Variants in PTPRD observed in about 807,000 individuals in gnomAD.
The protein encoded by PTPRD is receptor-type tyrosine-protein phosphatase delta.
Under a neutral mutation model 214.5 loss-of-function variants are expected in PTPRD, and 34 were observed. The observed-to-expected ratio is 0.16, with a 90% CI of 0.12 to 0.21. PTPRD has a LOEUF of 0.21. Ranked by LOEUF, PTPRD falls within the 10% of genes least tolerant of loss-of-function variation. PTPRD has a pLI of 1.00. For synonymous variants in PTPRD, 1,128 were observed against 845.7 expected (o/e 1.33, Z -5.79); for missense variants, 2,545 against 2,398.7 (o/e 1.06, Z -1.27).
intron 11 of PTPRD, among the ~76,000 whole-genome samples, chr9:8,998,454 G>A (rs555660942): frequency 1.2e-4 from 18 of 151,940 alleles, no homozygotes; most frequent in African/African-American, 2.9e-4. Context: ...ATGACTTACC[G>A]TGAATATTTT....
At chr9:9,421,178 CTGCCTTTATATAT>C (rs1048864063) in intron 8 of PTPRD, among the ~76,000 whole-genome samples, 4 of 151,814 alleles carry the variant, frequency 2.6e-5, no homozygotes, top group African/African-American at 9.7e-5. Flanking sequence ...AACAATGGCC[CTGCCTTTATATAT>C]TGCCTTTAAC....
chr9:9,127,872 T>G (rs928469768), intron 10 of PTPRD, among the ~76,000 whole-genome samples: 4 of 152,192 alleles, frequency 2.6e-5, no homozygotes, highest in Non-Finnish European at 5.9e-5. Flanking sequence ...GCACCCTGTT[T>G]GAATTTCGTA....
chr9:8,978,329 T>A (rs1418491996), intron 11 of PTPRD, among the ~76,000 whole-genome samples: 2 of 152,090 alleles, frequency 1.3e-5, no homozygotes, highest in Non-Finnish European at 2.9e-5. Flanking sequence ...AAGTCCCTTA[T>A]CAGTTCTGCT....
chr9:9,068,818 G>T (rs573683444), intron 10 of PTPRD, among the ~76,000 whole-genome samples: 3 of 151,964 alleles, frequency 2.0e-5, no homozygotes, highest in South Asian at 2.1e-4. Context: ...CACTATGTTG[G>T]CCAGGATGGT....
chr9:8,706,151 A>T (rs2098202451), intron 12 of PTPRD, among the ~76,000 whole-genome samples: 1 of 152,222 alleles, frequency 6.6e-6, no homozygotes, highest in African/African-American at 2.4e-5. Flanking sequence ...CCTCAAGAGA[A>T]ACATTATAAG....
intron 9 of PTPRD, among the ~76,000 whole-genome samples, chr9:9,227,236 C>T (rs937004402): frequency 6.6e-6 from 1 of 151,960 alleles, no homozygotes; most frequent in African/African-American, 2.4e-5. Flanking sequence ...TAATTTTTTT[C>T]CATTTCTTTT....
At chr9:9,465,450 TTAC>T (rs1569568567) in intron 8 of PTPRD, among the ~76,000 whole-genome samples, 1 of 152,160 alleles carries the variant, frequency 6.6e-6, no homozygotes, top group Non-Finnish European at 1.5e-5. Flanking sequence ...GAGGAGTCCA[TTAC>T]TCAAGTGTAA....
At chr9:9,437,659 C>T (rs936527287) in intron 8 of PTPRD, among the ~76,000 whole-genome samples, 1 of 152,082 alleles carries the variant, frequency 6.6e-6, no homozygotes, top group Admixed American at 6.6e-5. Context: ...ACTTCTGAAT[C>T]ACATTAAAGA....
intron 6 of PTPRD, among the ~76,000 whole-genome samples, chr9:9,761,281 C>T (rs2098653580): frequency 6.6e-6 from 1 of 152,088 alleles, no homozygotes; most frequent in Admixed American, 6.5e-5. Flanking sequence ...AGCAAAAACC[C>T]AATCCCAAAA....
intron 10 of PTPRD, among the ~76,000 whole-genome samples, chr9:9,069,643 G>A (rs1400292445): frequency 6.6e-6 from 1 of 152,218 alleles, no homozygotes; most frequent in Non-Finnish European, 1.5e-5. Context: ...CAATTATTTA[G>A]TTTCTTGTAG....
intron 2 of PTPRD, among the ~76,000 whole-genome samples, chr9:10,416,159 C>T (rs2098485100): frequency 6.6e-6 from 1 of 151,046 alleles, no homozygotes; most frequent in Non-Finnish European, 1.5e-5. Context: ...ATCAGCCTGG[C>T]CAACATGGTG....
intron 2 of PTPRD, among the ~76,000 whole-genome samples, chr9:10,560,464 C>T (rs950726245): frequency 1.2e-4 from 19 of 152,056 alleles, no homozygotes; most frequent in East Asian, 7.8e-4. Flanking sequence ...TGCTAGATGA[C>T]GAGTTAGTGG....
intron 9 of PTPRD, among the ~76,000 whole-genome samples, chr9:9,348,932 A>G (rs2050004570): frequency 1.3e-5 from 2 of 152,072 alleles, no homozygotes; most frequent in African/African-American, 2.4e-5. Flanking sequence ...ATTTTAATTA[A>G]TTCAGGAGAC....
chr9:9,191,365 G>C (rs985842949), intron 9 of PTPRD, among the ~76,000 whole-genome samples: 2 of 151,674 alleles, frequency 1.3e-5, no homozygotes, highest in Non-Finnish European at 2.9e-5. Flanking sequence ...TCTTTCATTT[G>C]GTCCTTGAAA....
At chr9:9,773,652 G>C (rs1000500830) in intron 5 of PTPRD, among the ~76,000 whole-genome samples, 4 of 152,172 alleles carry the variant, frequency 2.6e-5, no homozygotes, top group African/African-American at 4.8e-5. Context: ...TGATCTCCAA[G>C]TGAGAGTTTA....
chr9:10,442,438 A>C (rs2098766128), intron 2 of PTPRD, among the ~76,000 whole-genome samples: 1 of 151,580 alleles, frequency 6.6e-6, no homozygotes, highest in South Asian at 2.1e-4. Flanking sequence ...TATAAGAATA[A>C]GTTTGATCCG....
At chr9:10,580,400 G>A (rs1316790301) in intron 2 of PTPRD, among the ~76,000 whole-genome samples, 4 of 152,130 alleles carry the variant, frequency 2.6e-5, no homozygotes, top group Non-Finnish European at 5.9e-5. Flanking sequence ...TTAATGTAAA[G>A]TATAAGTCTA....
chr9:8,995,903 G>A (rs983082523), intron 11 of PTPRD, among the ~76,000 whole-genome samples: 2 of 152,058 alleles, frequency 1.3e-5, no homozygotes, highest in East Asian at 3.9e-4. Flanking sequence ...CTTCCTTTTA[G>A]TAAACGTACT....
chr9:9,373,498 C>T (rs2139929760), intron 9 of PTPRD, among the ~76,000 whole-genome samples: 1 of 152,108 alleles, frequency 6.6e-6, no homozygotes, highest in South Asian at 2.1e-4. Context: ...TGGGGCTAAA[C>T]TCAAAGGGTA....
Sources: allele counts gnomAD v4.1 joint callset (sites outside exome capture counted in the v4.1 genomes callset), GRCh38; gene constraint gnomAD v4.1.1; transcripts MANE v1.5; gene names NCBI Gene and HGNC (gene_info 2026-07-23, HGNC 2026-07-21).